The following KCNMA1 variants were observed in gnomAD, a reference collection of about 807,000 sequenced individuals.
The protein encoded by KCNMA1 is Calcium-activated potassium channel subunit alpha-1.
KCNMA1 carries 29 observed loss-of-function variants against 140.0 expected under a neutral mutation model. The ratio of observed to expected loss-of-function variants is 0.21; its 90% CI spans 0.15 to 0.28. The LOEUF (loss-of-function observed/expected upper bound fraction) is 0.28, where lower values mean the gene tolerates loss of function less well. KCNMA1 is among the 10% of genes least tolerant of loss of function. The pLI is 1.00. For missense variants in KCNMA1, 880 were observed against 1,602.2 expected (o/e 0.55, Z 7.70); for synonymous variants, 612 against 611.9 (o/e 1.00, Z 0.00).
At chr10:77,510,260 C>T (rs774848295) in intron 1 of KCNMA1, among the ~76,000 whole-genome samples, 17 of 151,996 alleles carry the variant, frequency 1.1e-4, no homozygotes, top group Non-Finnish European at 1.6e-4. Context: ...TCTTGCACTC[C>T]ACTTGCCATA....
intron 5 of KCNMA1, among the ~76,000 whole-genome samples, chr10:77,154,292 G>C (rs953493138): frequency 6.6e-6 from 1 of 151,974 alleles, no homozygotes; most frequent in Non-Finnish European, 1.5e-5. Flanking sequence ...TAAATTACCC[G>C]GTCTGGAGGA....
rs1465004957 is a variant in KCNMA1 at position 77,001,583 on chromosome 10, A to G, written c.2093-3T>C. 16 of 1,550,032 alleles carry G rather than the reference A, an allele frequency of 1.0e-5. No homozygotes were observed. Among genetic ancestry groups the G allele is most frequent in the Middle Eastern group, 1.7e-4 (1 of 5,956 alleles). ...TCTCTTGTAGATGGACATCTTGGCT[A>G]TAACCGTGTGGTTGGATGGGAGGAG... is the stretch of plus-strand genomic sequence containing the variant. On this transcript the variant is annotated splice_polypyrimidine_tract_variant and splice_region_variant and intron_variant, in intron 18 of 27. Transcript: ENST00000286628.
chr10:77,412,815 G>A lies in KCNMA1; in HGVS notation c.379-8792C>T, dbSNP rs117341881. 6.6e-5 allele frequency among the ~76,000 whole-genome samples: 10 copies of A among 152,308 alleles called. No homozygotes were observed. The East Asian group carries it at 1.9e-3, about 29-fold the overall frequency. On this transcript the variant is annotated intron_variant, in intron 1 of 27. Coordinates refer to ENST00000286628, the MANE Select transcript of KCNMA1 (RefSeq NM_001161352.2). ...GGGAAAAACATTAGAAATCCCCTGA[G>A]TAAAAGTCCATAGGCCCATGTTAGC... is the stretch of plus-strand genomic sequence containing the variant.
intron 19 of KCNMA1, among the ~76,000 whole-genome samples, chr10:76,995,053 C>T (rs1483984879): frequency 3.9e-5 from 6 of 152,108 alleles, no homozygotes; most frequent in Admixed American, 3.9e-4. Flanking sequence ...TGAGACAATA[C>T]CCAATCACAT....
intron 2 of KCNMA1, among the ~76,000 whole-genome samples, chr10:77,272,635 A>AATAT (rs376246850): frequency 0.039 from 5,801 of 150,634 alleles, 355 homozygotes; most frequent in African/African-American, 0.13. Context: ...AAATGAAGTA[A>AATAT]ATATATATAT....
intron 2 of KCNMA1, among the ~76,000 whole-genome samples, chr10:77,285,545 C>T (rs2070496383): frequency 6.6e-6 from 1 of 152,170 alleles, no homozygotes; most frequent in Non-Finnish European, 1.5e-5. Context: ...GCATATGGGA[C>T]TCATTAAGTT....
At chr10:77,218,139 C>T (rs955413557) in intron 3 of KCNMA1, among the ~76,000 whole-genome samples, 4 of 152,102 alleles carry the variant, frequency 2.6e-5, no homozygotes, top group Admixed American at 1.3e-4. Context: ...CTGAACCCTT[C>T]TCTCTTGACA....
At chr10:76,934,187 G>T (rs1054288774) in intron 23 of KCNMA1, among the ~76,000 whole-genome samples, 1 of 152,254 alleles carries the variant, frequency 6.6e-6, no homozygotes, top group Admixed American at 6.5e-5. Context: ...AGCCAGGCTG[G>T]TCTCAAACTC....
At chr10:76,909,581 C>A (rs901348637) in intron 25 of KCNMA1, among the ~76,000 whole-genome samples, 3 of 151,618 alleles carry the variant, frequency 2.0e-5, no homozygotes, top group Non-Finnish European at 2.9e-5. Context: ...AGCCTCAGGT[C>A]CCCCCCAACA....
At chr10:77,572,000 G>A (rs1216149879) in intron 1 of KCNMA1, among the ~76,000 whole-genome samples, 1 of 152,194 alleles carries the variant, frequency 6.6e-6, no homozygotes, top group Admixed American at 6.5e-5. Flanking sequence ...AAACGCACAC[G>A]CCTGTGTAGT....
At chr10:77,089,348 T>C (rs1220774287) in intron 10 of KCNMA1, among the ~76,000 whole-genome samples, 1 of 152,182 alleles carries the variant, frequency 6.6e-6, no homozygotes, top group Non-Finnish European at 1.5e-5. Context: ...ACATGTTAGC[T>C]TTGTCCTGGA....
At chr10:77,174,246 G>T (rs1412975609) in intron 5 of KCNMA1, among the ~76,000 whole-genome samples, 5 of 152,242 alleles carry the variant, frequency 3.3e-5, no homozygotes, top group East Asian at 3.9e-4. Flanking sequence ...GTGTATTCAT[G>T]ATTTCTCTAG....
chr10:77,033,834 AT>A (rs1565670463), intron 15 of KCNMA1, among the ~76,000 whole-genome samples: 2 of 152,200 alleles, frequency 1.3e-5, no homozygotes, highest in African/African-American at 4.8e-5. Flanking sequence ...TGTAGTAGAA[AT>A]AACCACCAAT....
At chr10:77,450,468 C>T (rs1279773767) in intron 1 of KCNMA1, among the ~76,000 whole-genome samples, 1 of 152,078 alleles carries the variant, frequency 6.6e-6, no homozygotes, top group Admixed American at 6.5e-5. Flanking sequence ...AATAACATTT[C>T]ATTATATAAT....
chr10:77,507,974 C>A lies in KCNMA1; in HGVS notation c.379-103951G>T, dbSNP rs1603630888. On this transcript the variant is annotated intron_variant, in intron 1 of 27. Coordinates refer to ENST00000286628, the MANE Select transcript of KCNMA1 (RefSeq NM_001161352.2). ...AAAAACTGAAAATAACTCAGAGGAC[C>A]AACAATAGGGAGATGGTTAAGTAAA... Among the ~76,000 whole-genome samples, 2 of 152,076 alleles carry A rather than the reference C, an allele frequency of 1.3e-5. 1 individual carries two copies. Among genetic ancestry groups the A allele is most frequent in the South Asian group, 4.1e-4 (2 of 4,820 alleles).
chr10:77,499,057 G>A (rs111793651), intron 1 of KCNMA1: 4 of 152,252 alleles, frequency 2.6e-5, no homozygotes, highest in African/African-American at 9.6e-5. Context: ...GCTTAGCACA[G>A]TGCACAGAGG....
chr10:77,363,904 T>G (rs750792724), intron 2 of KCNMA1, among the ~76,000 whole-genome samples: 21 of 152,218 alleles, frequency 1.4e-4, no homozygotes, highest in Non-Finnish European at 2.8e-4. Context: ...CTTTTTAAAA[T>G]GGACTTGTCA....
chr10:77,512,525 C>T lies in KCNMA1; in HGVS notation c.379-108502G>A, dbSNP rs144204360. 4.6e-3 allele frequency among the ~76,000 whole-genome samples: 705 copies of T among 152,242 alleles called. 7 individuals carry two copies. Among genetic ancestry groups the T allele is most frequent in the African/African-American group, 0.015 (634 of 41,534 alleles). On this transcript the variant is annotated intron_variant, in intron 1 of 27. Coordinates refer to ENST00000286628, the MANE Select transcript of KCNMA1 (RefSeq NM_001161352.2). Reference sequence around the variant, plus strand: ...GAGAAAACACAGTATATACAGGTATCGGTACTATCCATCTGCAGTTCCAGG... The same window carrying T: ...GAGAAAACACAGTATATACAGGTATTGGTACTATCCATCTGCAGTTCCAGG...
At chr10:77,255,156 G>C (rs1167903578) in intron 2 of KCNMA1, among the ~76,000 whole-genome samples, 2 of 152,154 alleles carry the variant, frequency 1.3e-5, no homozygotes, top group Admixed American at 1.3e-4. Context: ...GAGATATTGA[G>C]TACTCGGTGT....
Sources: allele counts gnomAD v4.1 joint callset (sites outside exome capture counted in the v4.1 genomes callset), GRCh38; gene constraint gnomAD v4.1.1; transcripts MANE v1.5; gene names NCBI Gene and HGNC (gene_info 2026-07-23, HGNC 2026-07-21).